CDH2: variants seen among roughly 807,000 people sequenced by gnomAD.
CDH2 encodes the protein cadherin-2.
In CDH2, 17 loss-of-function variants were observed where a neutral mutation model predicts 92.0. That is an observed-to-expected ratio of 0.18 (90% CI 0.13 to 0.28). CDH2 has a LOEUF of 0.28. Among genes scored for constraint, CDH2 ranks in the 10% least tolerant of loss-of-function variants. The pLI, the probability that CDH2 is intolerant of heterozygous loss-of-function variation, is 1.00. For missense variants in CDH2, 862 were observed against 1,133.1 expected (o/e 0.76, Z 3.44); for synonymous variants, 419 against 415.9 (o/e 1.01, Z -0.09).
chr18:27,963,071 G>GA (rs112964987), intron 15 of CDH2, among the ~76,000 whole-genome samples: 34 of 151,540 alleles, frequency 2.2e-4, no homozygotes, highest in African/African-American at 6.8e-4. Context: ...TGTAATCTAG[G>GA]AAAAAAAATC....
At chr18:27,938,402 C>T (rs1179632493) in intron 6 of CDH2, among the ~76,000 whole-genome samples, 1 of 152,064 alleles carries the variant, frequency 6.6e-6, no homozygotes, top group Non-Finnish European at 1.5e-5. Flanking sequence ...AATATATTAT[C>T]CATATTTATA....
In CDH2 at chr18:28,177,123, G is replaced by A. The variant is rs1004088403; in HGVS notation, c.-101C>T. ...GCGGCAGCACCAACAGCGGCGCGGA[G>A]AAACGGCTCCAGGCAGTTTCCACCC... On this transcript the variant is annotated 5_prime_UTR_variant, in exon 1 of 16. Transcript: ENST00000269141. The A allele has an allele frequency of 1.7e-5, 14 of 836,178 alleles. No homozygotes were observed. Among genetic ancestry groups the A allele is most frequent in the African/African-American group, 3.6e-5 (2 of 55,672 alleles). The allele number at this position is 836,178 out of a possible 1,614,324, so 51.8% of individuals were successfully genotyped here.
chr18:28,040,430 T>C (rs1366665478), intron 2 of CDH2, among the ~76,000 whole-genome samples: 1 of 152,010 alleles, frequency 6.6e-6, no homozygotes, highest in Non-Finnish European at 1.5e-5. Context: ...CACTTCCAAG[T>C]AGGTAAAATT....
chr18:28,033,117 C>A (rs1417969886), intron 2 of CDH2, among the ~76,000 whole-genome samples: 1 of 151,992 alleles, frequency 6.6e-6, no homozygotes, highest in Non-Finnish European at 1.5e-5. Flanking sequence ...AGGGTATAGA[C>A]AAAAGATGGC....
chr18:28,131,845 C>A (rs1289129103), intron 2 of CDH2, among the ~76,000 whole-genome samples: 1 of 152,084 alleles, frequency 6.6e-6, no homozygotes, highest in African/African-American at 2.4e-5. Flanking sequence ...CCATACTATT[C>A]TCTGCAATAG....
At chr18:28,174,587 A>G (rs2016510151) in intron 1 of CDH2, among the ~76,000 whole-genome samples, 1 of 152,232 alleles carries the variant, frequency 6.6e-6, no homozygotes, top group Non-Finnish European at 1.5e-5. Flanking sequence ...GAAGAAACTG[A>G]GAAAGAACAT....
intron 14 of CDH2, among the ~76,000 whole-genome samples, chr18:27,971,656 G>C (rs1256918748): frequency 6.6e-6 from 1 of 152,164 alleles, no homozygotes; most frequent in Non-Finnish European, 1.5e-5. Context: ...AAAAGGGAAT[G>C]ACAATGTGCT....
In CDH2 at chr18:28,147,799, A is replaced by T; in HGVS notation, c.61-15T>A. 7.2e-7 allele frequency: 1 copy of T among 1,393,242 alleles called. No individual in the cohort carries two copies. Among genetic ancestry groups the T allele is most frequent in the Non-Finnish European group, 1.0e-6 (1 of 1,003,898 alleles). The allele number at this position is 1,393,242 out of a possible 1,614,324, so 86.3% of individuals were successfully genotyped here. The stretch of plus-strand genomic sequence containing the variant: ...TCTACAGACGCCTGCAACACAAGAA[A>T]AAAAAAAAAAATGTGTGCAATGATT... On this transcript the variant is annotated splice_polypyrimidine_tract_variant and intron_variant, in intron 1 of 15. Coordinates refer to ENST00000269141, the MANE Select transcript of CDH2 (RefSeq NM_001792.5).
chr18:27,933,409 A>T, intron 6 of CDH2, among the ~76,000 whole-genome samples: 1 of 152,100 alleles, frequency 6.6e-6, no homozygotes. Flanking sequence ...ATGTATAGGT[A>T]TGTTGTGAAA....
At chr18:28,081,178 T>A (rs993950394) in intron 2 of CDH2, among the ~76,000 whole-genome samples, 1 of 152,216 alleles carries the variant, frequency 6.6e-6, no homozygotes, top group Non-Finnish European at 1.5e-5. Context: ...GATGCATTCA[T>A]CTAGGTCAGG....
chr18:28,048,119 C>G (rs1332345415), intron 2 of CDH2, among the ~76,000 whole-genome samples: 1 of 151,894 alleles, frequency 6.6e-6, no homozygotes, highest in Non-Finnish European at 1.5e-5. Flanking sequence ...CAGTCACTTT[C>G]TATTCGATTC....
chr18:27,934,345 G>A (rs1908972200), intron 6 of CDH2, among the ~76,000 whole-genome samples: 1 of 152,158 alleles, frequency 6.6e-6, no homozygotes, highest in African/African-American at 2.4e-5. Flanking sequence ...CAATCTGAGT[G>A]CCATTTTTGC....
rs512639 is a variant in CDH2, at chr18:28,084,035, A to C, written c.172+63638T>G. ...AATCTGAAGTCTGTCCTGGGTAGCC[A>C]GTAAGCAAATCAGCCATGAAGACTT... On this transcript the variant is annotated intron_variant, in intron 2 of 15. Transcript: ENST00000269141. Among the ~76,000 whole-genome samples the C allele has an allele frequency of 5.0e-3, 758 of 152,322 alleles. 7 individuals are homozygous for C. Among genetic ancestry groups the C allele is most frequent in the African/African-American group, 0.018 (729 of 41,570 alleles).
At chr18:28,051,077 T>C (rs2014181783) in intron 2 of CDH2, among the ~76,000 whole-genome samples, 1 of 152,192 alleles carries the variant, frequency 6.6e-6, no homozygotes, top group Non-Finnish European at 1.5e-5. Context: ...CATATGCATA[T>C]TGTAAAAAAT....
At chr18:28,100,949 G>A (rs1292849147) in intron 2 of CDH2, among the ~76,000 whole-genome samples, 2 of 152,126 alleles carry the variant, frequency 1.3e-5, no homozygotes, top group African/African-American at 4.8e-5. Context: ...GAGTGAGTTA[G>A]AATTCACTCT....
At chr18:28,064,452 T>C (rs1157693871) in intron 2 of CDH2, among the ~76,000 whole-genome samples, 1 of 151,848 alleles carries the variant, frequency 6.6e-6, no homozygotes, top group Non-Finnish European at 1.5e-5. Context: ...TTCACTGGCT[T>C]CCTGAACTTC....
At chr18:28,154,761 G>T (rs2016182516) in intron 1 of CDH2, among the ~76,000 whole-genome samples, 1 of 152,064 alleles carries the variant, frequency 6.6e-6, no homozygotes, top group Admixed American at 6.5e-5. Flanking sequence ...AATATTCCAT[G>T]TGGAATCACC....
chr18:28,048,880 A>T (rs2014133598), intron 2 of CDH2, among the ~76,000 whole-genome samples: 1 of 151,982 alleles, frequency 6.6e-6, no homozygotes, highest in African/African-American at 2.4e-5. Context: ...AGCCCTCTCC[A>T]CCCACTTCTG....
At chr18:28,103,439 TGTTTA>T (rs2015266700) in intron 2 of CDH2, among the ~76,000 whole-genome samples, 1 of 109,348 alleles carries the variant, frequency 9.1e-6, no homozygotes, top group African/African-American at 4.0e-5. Flanking sequence ...ATATGAAGTA[TGTTTA>T]TATATATATA....
Sources: gnomAD v4.1 joint callset for allele counts (sites outside exome capture counted in the v4.1 genomes callset) on GRCh38, gnomAD v4.1.1 for gene constraint, MANE v1.5 for transcripts, NCBI Gene and HGNC (gene_info 2026-07-23, HGNC 2026-07-21) for gene names.